Variants in CACNA2D4 observed in about 807,000 individuals in gnomAD.
CACNA2D4 encodes the protein voltage-dependent calcium channel subunit alpha-2/delta-4.
Under a neutral mutation model 163.8 loss-of-function variants are expected in CACNA2D4, and 157 were observed. That is an observed-to-expected ratio of 0.96 (90% CI 0.84 to 1.09). The LOEUF is 1.09. CACNA2D4 is among the 50% of genes least tolerant of loss of function. CACNA2D4 has a pLI of 0.00. For synonymous variants in CACNA2D4, 598 were observed against 586.9 expected (o/e 1.02, Z -0.27); for missense variants, 1,410 against 1,479.9 (o/e 0.95, Z 0.78).
At chr12:1,892,996 C>G (rs1720477165) in intron 6 of CACNA2D4, among the ~76,000 whole-genome samples, 1 of 152,094 alleles carries the variant, frequency 6.6e-6, no homozygotes, top group African/African-American at 2.4e-5. Context: ...ATATATGTGG[C>G]AAATATTATT....
At chr12:1,809,131 G>A (rs1863630515) in intron 29 of CACNA2D4, among the ~76,000 whole-genome samples, 1 of 152,186 alleles carries the variant, frequency 6.6e-6, no homozygotes, top group Non-Finnish European at 1.5e-5. Flanking sequence ...GTGCCCCTTT[G>A]TCCTCACTTG....
chr12:1,804,914 T>C (rs1863479434), intron 29 of CACNA2D4, among the ~76,000 whole-genome samples: 2 of 152,252 alleles, frequency 1.3e-5, no homozygotes, highest in Admixed American at 1.3e-4. Context: ...CAGAACACAA[T>C]TCCTGGCTGA....
At chr12:1,890,416 G>A (rs547942177) in intron 6 of CACNA2D4, among the ~76,000 whole-genome samples, 11 of 152,332 alleles carry the variant, frequency 7.2e-5, no homozygotes, top group East Asian at 1.9e-4. Flanking sequence ...GGGCTGAAGC[G>A]TGAGCTATTG....
intron 6 of CACNA2D4, among the ~76,000 whole-genome samples, chr12:1,907,127 A>G (rs1028794300): frequency 1.3e-5 from 2 of 152,242 alleles, no homozygotes; most frequent in Admixed American, 1.3e-4. Flanking sequence ...TCCTTAAGGT[A>G]AAGAATTGTT....
rs1296716839 is a variant in CACNA2D4 at position 1,846,580 on chromosome 12, C to T, written c.2342+14G>A. On this transcript the variant is annotated intron_variant, in intron 24 of 37. Transcript: ENST00000382722. Reference sequence around the variant, plus strand: ...TGCAGGGATTGCCCTCCCGAGGTGGCCGGCCCAACCCACCTGTCGGAGACC... The same window carrying T: ...TGCAGGGATTGCCCTCCCGAGGTGGTCGGCCCAACCCACCTGTCGGAGACC... The T allele has an allele frequency of 1.9e-6, 3 of 1,574,914 alleles. No homozygotes were observed. The highest frequency in any genetic ancestry group is 2.6e-6 in the Non-Finnish European group (3 of 1,164,842).
At position 1,899,159 on chromosome 12, in the gene CACNA2D4, G is replaced by C. The variant is rs150137797; in HGVS notation, c.781+8281C>G. 5.4e-3 allele frequency among the ~76,000 whole-genome samples: 829 copies of C among 152,154 alleles called. 2 individuals are homozygous for C. The highest frequency in any genetic ancestry group is 0.019 in the African/African-American group (801 of 41,534). ...CCTCACTACCAATCAAAACCTGTGA[G>C]ATGCAGCAAAAACAGAGCTTCTAGT... On this transcript the variant is annotated intron_variant, in intron 6 of 37. Transcript: ENST00000382722.
chr12:1,870,328 A>G (rs1049328640), intron 18 of CACNA2D4, among the ~76,000 whole-genome samples: 1 of 152,078 alleles, frequency 6.6e-6, no homozygotes, highest in Non-Finnish European at 1.5e-5. Context: ...TCAGCCAGGA[A>G]TTTCAGAGGA....
intron 18 of CACNA2D4, among the ~76,000 whole-genome samples, chr12:1,863,675 A>C (rs1412676964): frequency 6.6e-6 from 1 of 152,118 alleles, no homozygotes; most frequent in Non-Finnish European, 1.5e-5. Context: ...ATGTTATTTG[A>C]TGCTATTGTC....
At chr12:1,853,770 G>A (rs2154448278) in intron 23 of CACNA2D4, among the ~76,000 whole-genome samples, 181 bp downstream of exon 23, 2 of 152,308 alleles carry the variant, frequency 1.3e-5, no homozygotes, top group South Asian at 4.1e-4. Context: ...GGAGCTGTCG[G>A]AATGGGACTA....
intron 18 of CACNA2D4, among the ~76,000 whole-genome samples, chr12:1,865,096 A>AGGCC (rs1865615340): frequency 6.6e-6 from 1 of 152,150 alleles, no homozygotes; most frequent in Non-Finnish European, 1.5e-5. Flanking sequence ...GCCGGCAGGC[A>AGGCC]GGCCCCGTGG....
Position 1,795,691 on chromosome 12 carries a change from A to T in CACNA2D4, c.3203T>A (p.Leu1068Gln). ...ATATTTGACTTCTGTCGCCTCCTGC[A>T]GCACTGGTGGGAAGATGCTGCAGTC... ...TCDCSIFPPVLQEATEVKYNA... is the reference protein window; with the variant it reads ...TCDCSIFPPVQQEATEVKYNA... The change falls in exon 36 of 38, where the codon CTG becomes CAG. Residue 1068 changes from leucine (L) to glutamine (Q), a missense_variant. Coordinates refer to ENST00000382722, the MANE Select transcript of CACNA2D4 (RefSeq NM_172364.5). 1.9e-6 allele frequency: 3 copies of T among 1,612,694 alleles called. No homozygotes were observed. Among genetic ancestry groups the T allele is most frequent in the Non-Finnish European group, 2.5e-6 (3 of 1,178,848 alleles).
At chr12:1,914,749 G>A (rs769533347) in intron 2 of CACNA2D4, 105 bp downstream of exon 2, 25 of 747,724 alleles carry the variant, frequency 3.3e-5, no homozygotes, top group Admixed American at 1.9e-4. Flanking sequence ...GAAATAAACC[G>A]ATTTGATGGG....
At chr12:1,815,911 T>C (rs1299103821) in intron 26 of CACNA2D4, among the ~76,000 whole-genome samples, 1 of 152,224 alleles carries the variant, frequency 6.6e-6, no homozygotes, top group Non-Finnish European at 1.5e-5. Flanking sequence ...TATAAGATGT[T>C]GAAGACAAGA....
chr12:1,914,333 C>T lies in CACNA2D4; in HGVS notation c.309+521G>A. Among the ~76,000 whole-genome samples the T allele has an allele frequency of 2.6e-5, 4 of 152,296 alleles. No homozygotes were observed. In the South Asian group the frequency reaches 8.3e-4, roughly 32 times the overall value. On this transcript the variant is annotated intron_variant, in intron 2 of 37. Transcript: ENST00000382722. ...AGTTGTTTATAACCTGGTAAGAAGA[C>T]CAGCCAGCCATAAATCGGCACAGAA...
Position 1,797,504 on chromosome 12 carries a change from C to G in CACNA2D4, c.3027G>C (p.Gln1009His), listed in dbSNP as rs1270410998. ...ACACGGGGTACTCCGTGTCGCAGGG[C>G]TGCAGCGGGTCCTGCTTCTTGTGTT... ...SHKHKKQDPL[Q>H]PCDTEYPVFV... is the part of the protein sequence containing the mutation. The change falls in exon 35 of 38, where the codon CAG becomes CAC. Residue 1009 changes from glutamine (Q) to histidine (H), a missense_variant. Gln to His is a conservative substitution (Grantham distance 24, BLOSUM62 0). Coordinates refer to ENST00000382722, the MANE Select transcript of CACNA2D4 (RefSeq NM_172364.5). 3 of 1,580,730 alleles carry G rather than the reference C, an allele frequency of 1.9e-6. No homozygotes were observed. The South Asian group carries it at 3.5e-5, about 18-fold the overall frequency.
At position 1,828,191 on chromosome 12, in the gene CACNA2D4, G is replaced by A. The variant is rs543122038; in HGVS notation, c.2551+12548C>T. 54 of 1,546,956 alleles carry A rather than the reference G, an allele frequency of 3.5e-5. No individual in the cohort carries two copies. Among genetic ancestry groups the A allele is most frequent in the South Asian group, 1.2e-4 (10 of 83,644 alleles). On this transcript the variant is annotated intron_variant, in intron 26 of 37. Transcript: ENST00000382722. The surrounding 1 kb of genome is among the most constrained non-coding windows in gnomAD (Gnocchi z 4.2). Reference sequence around the variant, plus strand: ...CAGCCCTGGGCAGAGGGGCAGGCTCGCCCTGCAGTGGAGGCAAGTCTCCTG... The same window carrying A: ...CAGCCCTGGGCAGAGGGGCAGGCTCACCCTGCAGTGGAGGCAAGTCTCCTG...
At chr12:1,907,400 A>AATCCCAGAAGGTC (rs1453135674) in intron 6 of CACNA2D4, 40 bp downstream of exon 6, 2 of 1,596,768 alleles carry the variant, frequency 1.3e-6, no homozygotes, top group Non-Finnish European at 1.7e-6. Flanking sequence ...TCCAGAGAAG[A>AATCCCAGAAGGTC]ATCCCAGAAG....
rs1565734788 is a variant in CACNA2D4, at chr12:1,896,651, AC to A, written c.782-9583del. Among the ~76,000 whole-genome samples, 75 of 142,878 alleles carry A rather than the reference AC, an allele frequency of 5.2e-4. 1 individual carries two copies. The highest frequency in any genetic ancestry group is 1.3e-3 in the East Asian group (6 of 4,592). The allele number at this position is 142,878 out of a possible 152,430, so 93.7% of individuals were successfully genotyped here. A position where few individuals can be genotyped will look rare whatever the true frequency, so the allele number is the denominator to read the frequency against. On this transcript the variant is annotated intron_variant, in intron 6 of 37. Coordinates refer to ENST00000382722, the MANE Select transcript of CACNA2D4 (RefSeq NM_172364.5). ...CACACACACACACACACACACACAC[AC>A]ACAAAACAGATGCTAGCAAGGATGC... is the stretch of plus-strand genomic sequence containing the variant.
chr12:1,796,531 C>G (rs1213870021), intron 35 of CACNA2D4, among the ~76,000 whole-genome samples: 1 of 152,224 alleles, frequency 6.6e-6, no homozygotes, highest in African/African-American at 2.4e-5. Flanking sequence ...TCGCTTCACT[C>G]CGGAGCCCGC....
Sources: allele counts gnomAD v4.1 joint callset (sites outside exome capture counted in the v4.1 genomes callset), GRCh38; gene constraint gnomAD v4.1.1; non-coding constraint Gnocchi (gnomAD v3.1); transcripts MANE v1.5; gene names NCBI Gene and HGNC (gene_info 2026-07-23, HGNC 2026-07-21).